The following RPS6KA2 variants were observed in gnomAD, a reference collection of about 807,000 sequenced individuals.
RPS6KA2 encodes ribosomal protein S6 kinase A2, also known as ribosomal protein S6 kinase alpha-2.
In RPS6KA2, 42 loss-of-function variants were observed where a neutral mutation model predicts 91.8. The observed-to-expected ratio is 0.46, with a 90% CI of 0.36 to 0.59. RPS6KA2 has a LOEUF of 0.59. RPS6KA2 is among the 20% of genes least tolerant of loss of function. The pLI, the probability that RPS6KA2 is intolerant of heterozygous loss-of-function variation, is 0.00. For missense variants in RPS6KA2, 798 were observed against 978.5 expected (o/e 0.82, Z 2.46); for synonymous variants, 414 against 393.6 (o/e 1.05, Z -0.61).
At chr6:166,660,302 G>A (rs754227533) in intron 2 of RPS6KA2, among the ~76,000 whole-genome samples, 2 of 151,552 alleles carry the variant, frequency 1.3e-5, no homozygotes, top group East Asian at 1.9e-4. Flanking sequence ...GTATCTCATT[G>A]TGTGTGTGCA....
At chr6:166,853,127 A>G (rs1324709397) in intron 2 of RPS6KA2, among the ~76,000 whole-genome samples, 7 of 152,114 alleles carry the variant, frequency 4.6e-5, no homozygotes, top group African/African-American at 1.4e-4. Context: ...ATAACCCTGA[A>G]ATCTAAGCGC....
chr6:166,593,334 AAAG>A (rs1337031500), intron 1 of RPS6KA2, among the ~76,000 whole-genome samples: 1 of 152,210 alleles, frequency 6.6e-6, no homozygotes, highest in East Asian at 1.9e-4. Flanking sequence ...ATAAAACAGA[AAAG>A]AAGACTATAT....
chr6:166,849,659 T>C lies in RPS6KA2; in HGVS notation c.123+8541A>G, dbSNP rs1210714809. Among the ~76,000 whole-genome samples, 1 of 152,212 alleles carries C rather than the reference T, an allele frequency of 6.6e-6. No individual in the cohort carries two copies. Among genetic ancestry groups the C allele is most frequent in the African/African-American group, 2.4e-5 (1 of 41,458 alleles). On this transcript the variant is annotated intron_variant, in intron 2 of 21. Coordinates refer to the RPS6KA2 transcript ENST00000503859. The surrounding 1 kb of genome is among the most constrained non-coding windows in gnomAD (Gnocchi z 4.9). ...TATTAACTTGGAGATAGGCATTTATTGGGCTAAATCCTCACGTAGAATGAG... is the reference window on the plus strand; with the variant it reads ...TATTAACTTGGAGATAGGCATTTATCGGGCTAAATCCTCACGTAGAATGAG...
At chr6:166,629,883 C>G (rs1034874824), upstream of RPS6KA2, among the ~76,000 whole-genome samples, 1 of 152,184 alleles carries the variant, frequency 6.6e-6, no homozygotes, top group African/African-American at 2.4e-5. Flanking sequence ...GCACTAACAT[C>G]TGGCACTGTG....
At chr6:166,582,407 C>A (rs1209205003) in intron 1 of RPS6KA2, among the ~76,000 whole-genome samples, 6 of 152,196 alleles carry the variant, frequency 3.9e-5, no homozygotes, top group Non-Finnish European at 8.8e-5. Context: ...GTTAAATGAC[C>A]ATATACTAAC....
chr6:166,655,131 C>A (rs759045267), intron 2 of RPS6KA2, among the ~76,000 whole-genome samples: 132 of 152,306 alleles, frequency 8.7e-4, no homozygotes, highest in Non-Finnish European at 4.6e-4. Flanking sequence ...CATTTTTGTT[C>A]ATATATATTG....
chr6:166,576,453 C>T (rs890347110), intron 1 of RPS6KA2, among the ~76,000 whole-genome samples: 7 of 152,168 alleles, frequency 4.6e-5, no homozygotes, highest in Non-Finnish European at 8.8e-5. Context: ...ATGACGTAGA[C>T]AATAAAGTTC....
chr6:166,692,875 G>C (rs1273289385), intron 2 of RPS6KA2, among the ~76,000 whole-genome samples: 1 of 152,198 alleles, frequency 6.6e-6, no homozygotes, highest in African/African-American at 2.4e-5. Context: ...GACGATTTTG[G>C]CCAGGGAGCC....
intron 2 of RPS6KA2, among the ~76,000 whole-genome samples, chr6:166,642,443 T>A (rs962638412): frequency 6.6e-6 from 1 of 152,246 alleles, no homozygotes; most frequent in Non-Finnish European, 1.5e-5. Context: ...GTGTATTGTA[T>A]AATTTGTGGA....
chr6:166,423,228 C>T lies in RPS6KA2; in HGVS notation c.1743+28G>A. ...GAGCCTGTCTTTGCGGATAGAGAGGCCTGGGTCTGCAGTCGGGGAATGCTC... is the reference window on the plus strand; with the variant it reads ...GAGCCTGTCTTTGCGGATAGAGAGGTCTGGGTCTGCAGTCGGGGAATGCTC... On this transcript the variant is annotated intron_variant, in intron 17 of 20. Coordinates refer to ENST00000265678, the MANE Select transcript of RPS6KA2 (RefSeq NM_021135.6). This position sits in a 1 kb window ranked among gnomAD's most constrained non-coding sequence, Gnocchi z 4.8. 15 of 1,587,574 alleles carry T rather than the reference C, an allele frequency of 9.4e-6. No individual in the cohort carries two copies. The highest frequency in any genetic ancestry group is 1.7e-5 in the Admixed American group (1 of 59,152).
At chr6:166,506,073 G>A (rs574062696) in intron 5 of RPS6KA2, among the ~76,000 whole-genome samples, 38 of 151,968 alleles carry the variant, frequency 2.5e-4, no homozygotes, top group Admixed American at 2.0e-3. Context: ...GATGGTCCCC[G>A]TAAGATGCTG....
At chr6:166,615,711 C>T (rs1194798829) in intron 1 of RPS6KA2, among the ~76,000 whole-genome samples, 1 of 152,156 alleles carries the variant, frequency 6.6e-6, no homozygotes, top group Non-Finnish European at 1.5e-5. Context: ...GTCTCCGGGA[C>T]CTCTCTCCTT....
chr6:166,529,510 T>C (rs889017749), intron 3 of RPS6KA2, among the ~76,000 whole-genome samples: 17 of 152,092 alleles, frequency 1.1e-4, no homozygotes, highest in Non-Finnish European at 2.2e-4. Context: ...GCATGGCACA[T>C]GTATACATAT....
chr6:166,751,909 G>A (rs1034777451), intron 2 of RPS6KA2, among the ~76,000 whole-genome samples: 1 of 151,686 alleles, frequency 6.6e-6, no homozygotes, highest in Non-Finnish European at 1.5e-5. Context: ...GAAGCCAGAC[G>A]CTGTGGAACA....
intron 2 of RPS6KA2, among the ~76,000 whole-genome samples, chr6:166,850,837 G>A (rs1335088604): frequency 1.3e-5 from 2 of 152,166 alleles, no homozygotes; most frequent in African/African-American, 4.8e-5. Flanking sequence ...CACCCTCTGT[G>A]TGACCAGAGA....
In RPS6KA2 at chr6:166,626,912, C is replaced by T; in HGVS notation, c.99+9G>A. 1.3e-6 allele frequency: 2 copies of T among 1,507,056 alleles called. No individual in the cohort carries two copies. The highest frequency in any genetic ancestry group is 2.0e-5 in the Admixed American group (1 of 49,856). The allele number at this position is 1,507,056 out of a possible 1,614,324, so 93.4% of individuals were successfully genotyped here. ...CGGCACCTGCGCGCCCCGAGGGCGGCCGCATTACCTCGAGCCGGCTCAGGC... is the reference window on the plus strand; with the variant it reads ...CGGCACCTGCGCGCCCCGAGGGCGGTCGCATTACCTCGAGCCGGCTCAGGC... On this transcript the variant is annotated intron_variant, in intron 1 of 20. Coordinates refer to ENST00000265678, the MANE Select transcript of RPS6KA2 (RefSeq NM_021135.6). The surrounding 1 kb of genome is among the most constrained non-coding windows in gnomAD (Gnocchi z 4.1).
intron 2 of RPS6KA2, among the ~76,000 whole-genome samples, chr6:166,792,369 A>G (rs1035074505): frequency 3.7e-5 from 5 of 136,034 alleles, no homozygotes; most frequent in African/African-American, 1.4e-4. Flanking sequence ...TTAATAGCCT[A>G]CCAACCAAAA....
chr6:166,756,081 G>A (rs1284739882), intron 2 of RPS6KA2, among the ~76,000 whole-genome samples: 1 of 152,108 alleles, frequency 6.6e-6, no homozygotes, highest in Non-Finnish European at 1.5e-5. Context: ...ATGAGGTCAG[G>A]AGATGGAGAC....
At chr6:166,843,608 G>A (rs9348193) in intron 2 of RPS6KA2, among the ~76,000 whole-genome samples, 88,884 of 151,944 alleles carry the variant, frequency 0.58, 27,171 homozygotes, top group Middle Eastern at 0.73. Context: ...CTTTGCAGAC[G>A]TTCCTCAGTA....
Sources: gnomAD v4.1 joint callset for allele counts (sites outside exome capture counted in the v4.1 genomes callset) on GRCh38, gnomAD v4.1.1 for gene constraint, Gnocchi (gnomAD v3.1) non-coding constraint, MANE v1.5 for transcripts, NCBI Gene and HGNC (gene_info 2026-07-23, HGNC 2026-07-21) for gene names.